Variants in UNG observed in about 807,000 individuals in gnomAD.
UNG encodes the protein uracil DNA glycosylase.
UNG carries 34 observed loss-of-function variants against 36.5 expected under a neutral mutation model. That is an observed-to-expected ratio of 0.93 (90% confidence interval 0.71 to 1.24). The LOEUF is 1.24. Ranked by LOEUF, UNG falls within the 50% of genes most tolerant of loss-of-function variation. UNG has a pLI of 0.00. For synonymous variants in UNG, 172 were observed against 157.8 expected, an observed-to-expected ratio of 1.09 and a Z score of -0.67; for missense variants, 391 against 397.6, an observed-to-expected ratio of 0.98 and a Z score of 0.14.
intron 6 of UNG, among the ~76,000 whole-genome samples, chr12:109,106,921 A>ATATATATATATATACGTATATATATGTG: frequency 5.1e-5 from 2 of 39,418 alleles, no homozygotes; most frequent in South Asian, 1.9e-3. Context: ...ATATATGTGT[A>ATATATATATATATACGTATATATATGTG]TATATATATA....
In UNG at chr12:109,110,269, CAG is replaced by C. The variant is rs147170080; in HGVS notation, c.*301_*302del. On this transcript the variant is annotated 3_prime_UTR_variant, in exon 7 of 7. Coordinates refer to ENST00000242576, the MANE Select transcript of UNG (RefSeq NM_080911.3). ...TATCTCCCTTGCCTTTATGGTGAAACAGGGGAGATGTGCACCTTTCAGGCACA... is the reference window on the plus strand; with the variant it reads ...TATCTCCCTTGCCTTTATGGTGAAACGGGAGATGTGCACCTTTCAGGCACA... The C allele has an allele frequency of 3.6e-4, 149 of 416,688 alleles. No individual in the cohort carries two copies. The highest frequency in any genetic ancestry group is 1.5e-3 in the Middle Eastern group (2 of 1,370). The allele number at this position is 416,688 out of a possible 1,614,324, so 25.8% of individuals were successfully genotyped here. A position where few individuals can be genotyped will look rare whatever the true frequency, so the allele number is the denominator to read the frequency against.
chr12:109,109,781 ATT>A (rs1555265462), intron 6 of UNG, 46 bp from the exon 7 acceptor site: 20 of 1,577,334 alleles, frequency 1.3e-5, no homozygotes, highest in Admixed American at 1.8e-5. Flanking sequence ...AAAAAAAAAA[ATT>A]TAAAAAGTCC....
chr12:109,108,942 T>G (rs1248609643), intron 6 of UNG, among the ~76,000 whole-genome samples: 5 of 152,196 alleles, frequency 3.3e-5, no homozygotes, highest in Admixed American at 6.5e-5. Flanking sequence ...CCGTTCTATT[T>G]TTCACTTTCA....
intron 1 of UNG, chr12:109,098,024 G>T: frequency 7.6e-7 from 1 of 1,310,922 alleles, no homozygotes; most frequent in Non-Finnish European, 1.0e-6. Flanking sequence ...GGGGCCCATG[G>T]CGCCAATCCG....
rs745539300 is a variant in UNG at position 109,109,817 on chromosome 12, G to C, written c.802-12G>C. On this transcript the variant is annotated splice_polypyrimidine_tract_variant and intron_variant, in intron 6 of 6. Transcript: ENST00000242576. Reference sequence around the variant, plus strand: ...CCCAAATCTGCCACCATTTATTCTTGATCTTTTTCAGAAGCGGCACCATGT... The same window carrying C: ...CCCAAATCTGCCACCATTTATTCTTCATCTTTTTCAGAAGCGGCACCATGT... The C allele has an allele frequency of 5.0e-6, 8 of 1,608,024 alleles. No individual in the cohort carries two copies. The East Asian group carries it at 1.8e-4, about 36-fold the overall frequency.
intron 2 of UNG, 110 bp downstream of exon 2, chr12:109,098,748 C>T: frequency 7.2e-7 from 1 of 1,387,894 alleles, no homozygotes; most frequent in Non-Finnish European, 1.0e-6. Flanking sequence ...AGGTTGTACC[C>T]CCTTCAACCT....
chr12:109,102,634 G>C (rs186494007), intron 4 of UNG, among the ~76,000 whole-genome samples: 1 of 152,342 alleles, frequency 6.6e-6, no homozygotes, highest in African/African-American at 2.4e-5. Context: ...TCCAAGTACA[G>C]ACTAAAGTAA....
chr12:109,104,325 G>A (rs1284070696), intron 6 of UNG, among the ~76,000 whole-genome samples: 2 of 152,060 alleles, frequency 1.3e-5, no homozygotes, highest in African/African-American at 4.8e-5. Flanking sequence ...TAGGATTACA[G>A]GCATGAGCCA....
At chr12:109,103,297 G>A (rs574232084) in intron 5 of UNG, 136 bp from the exon 6 acceptor site, 12 of 857,774 alleles carry the variant, frequency 1.4e-5, no homozygotes, top group African/African-American at 5.0e-5. Flanking sequence ...CCATTATGCC[G>A]GCTGCAGCAG....
At chr12:109,103,951 C>T (rs1398803630) in intron 6 of UNG, among the ~76,000 whole-genome samples, 1 of 152,110 alleles carries the variant, frequency 6.6e-6, no homozygotes, top group Admixed American at 6.6e-5. Context: ...TTCTGGCTTC[C>T]AAGAAATTTG....
chr12:109,105,184 GATT>G (rs1273057096), intron 6 of UNG: 1 of 152,210 alleles, frequency 6.6e-6, no homozygotes, highest in Non-Finnish European at 1.5e-5. Context: ...AAAGTGCTAG[GATT>G]ACAGATGTAA....
chr12:109,098,107 T>C, intron 1 of UNG: 1 of 1,372,952 alleles, frequency 7.3e-7, no homozygotes, highest in South Asian at 1.9e-5. Flanking sequence ...AGAGGGAGGT[T>C]TTTTGCCGCG....
At chr12:109,106,845 A>AGTG in intron 6 of UNG, among the ~76,000 whole-genome samples, 2 of 128,630 alleles carry the variant, frequency 1.6e-5, no homozygotes, top group Admixed American at 9.1e-5. Flanking sequence ...CCAGCCTGGC[A>AGTG]ACAGAGTGAG....
intron 6 of UNG, among the ~76,000 whole-genome samples, chr12:109,107,692 A>G (rs746336680): frequency 2.6e-5 from 4 of 151,052 alleles, no homozygotes; most frequent in Non-Finnish European, 5.9e-5. Context: ...CATCCAGCTA[A>G]TTTTGTATTT....
At chr12:109,102,080 C>G in intron 4 of UNG, 81 bp downstream of exon 4, 1 of 1,264,392 alleles carries the variant, frequency 7.9e-7, no homozygotes, top group Non-Finnish European at 1.1e-6. Context: ...GTGGGACTAT[C>G]TGGGGCACTG....
intron 1 of UNG, 162 bp downstream of exon 1, chr12:109,097,973 G>A: frequency 1.6e-6 from 2 of 1,251,586 alleles, no homozygotes; most frequent in South Asian, 1.7e-5. Flanking sequence ...TGTCCCCCAT[G>A]GGCCGCCATG....
At chr12:109,103,338 C>A in intron 5 of UNG, 95 bp from the exon 6 acceptor site, 1 of 1,183,508 alleles carries the variant, frequency 8.4e-7, no homozygotes, top group African/African-American at 1.5e-5. Context: ...TGGATCCCAT[C>A]AAGCATTGGT....
At chr12:109,101,838 G>C in intron 3 of UNG, 64 bp from the exon 4 acceptor site, 1 of 1,384,350 alleles carries the variant, frequency 7.2e-7, no homozygotes, top group Non-Finnish European at 1.0e-6. Context: ...ATGTTTGTTT[G>C]AGGCAGGGTC....
chr12:109,106,664 C>G (rs367586310), intron 6 of UNG, among the ~76,000 whole-genome samples: 9 of 150,384 alleles, frequency 6.0e-5, no homozygotes, highest in African/African-American at 2.2e-4. Context: ...TTTGGGTGGC[C>G]GAGGCGAGTG....
Sources: gnomAD v4.1 joint callset for allele counts (sites outside exome capture counted in the v4.1 genomes callset) on GRCh38, gnomAD v4.1.1 for gene constraint, MANE v1.5 for transcripts, NCBI Gene and HGNC (gene_info 2026-07-23, HGNC 2026-07-21) for gene names.